The following TATDN3 variants were observed in gnomAD, a reference collection of about 807,000 sequenced individuals.
TATDN3 encodes the protein deoxyribonuclease TATDN3.
In TATDN3, 29 loss-of-function variants were observed where a neutral mutation model predicts 40.1. That is an observed-to-expected ratio of 0.72 (90% CI 0.54 to 0.99). The LOEUF is 0.99. Among genes scored for constraint, TATDN3 ranks in the 50% least tolerant of loss-of-function variants. TATDN3 has a pLI of 0.00. For synonymous variants in TATDN3, 105 were observed against 117.0 expected (o/e 0.90, Z 0.66); for missense variants, 309 against 321.9 (o/e 0.96, Z 0.31).
chr1:212,815,123 GT>G lies in TATDN3; in HGVS notation c.795del (p.Pro266LeufsTer27). 2 of 1,613,422 alleles carry G rather than the reference GT, an allele frequency of 1.2e-6. No individual in the cohort carries two copies. The highest frequency in any genetic ancestry group is 1.7e-6 in the Non-Finnish European group (2 of 1,179,858). On this transcript the variant is annotated frameshift_variant, in exon 10 of 10. Coordinates refer to ENST00000366974, the MANE Select transcript of TATDN3 (RefSeq NM_001042552.3). LOFTEE classifies it high-confidence loss of function. ...EVTTQNALKL[F>X]PKLRHLLQK ...TGACGACACAGAATGCATTAAAACTGTTTCCTAAGCTCCGACACTTGCTCCA... is the reference window on the plus strand; with the variant it reads ...TGACGACACAGAATGCATTAAAACTGTTCCTAAGCTCCGACACTTGCTCCA...
intron 8 of TATDN3, among the ~76,000 whole-genome samples, chr1:212,810,221 G>T (rs1479100390): frequency 1.3e-5 from 2 of 151,318 alleles, no homozygotes. Flanking sequence ...AAAATTAGCC[G>T]AGTGAAGGCA....
chr1:212,803,067 TA>T (rs1488574933), intron 5 of TATDN3, among the ~76,000 whole-genome samples: 2 of 152,158 alleles, frequency 1.3e-5, no homozygotes, highest in Non-Finnish European at 2.9e-5. Flanking sequence ...ATAGTATCTA[TA>T]ATTCTTCATA....
intron 1 of TATDN3, among the ~76,000 whole-genome samples, chr1:212,794,205 CG>C (rs1661566571): frequency 6.6e-6 from 1 of 150,920 alleles, no homozygotes; most frequent in African/African-American, 2.4e-5. Flanking sequence ...GGTGTGAACC[CG>C]GGAGGCGGAG....
At chr1:212,792,512 G>C (rs528777406) in intron 1 of TATDN3, among the ~76,000 whole-genome samples, 7 of 148,524 alleles carry the variant, frequency 4.7e-5, no homozygotes, top group South Asian at 4.2e-4. Flanking sequence ...GCGTTTGCCT[G>C]TGGTCCCAGC....
chr1:212,794,932 A>G (rs1331269455), intron 1 of TATDN3, 163 bp from the exon 2 acceptor site: 4 of 651,720 alleles, frequency 6.1e-6, no homozygotes, highest in African/African-American at 5.5e-5. Context: ...ACTGATAGTA[A>G]GAGTAAACAG....
chr1:212,806,168 A>G (rs983083429), intron 7 of TATDN3, among the ~76,000 whole-genome samples: 3 of 152,150 alleles, frequency 2.0e-5, no homozygotes, highest in African/African-American at 7.2e-5. Context: ...AACTGGGGAT[A>G]GTTTTATGAA....
chr1:212,812,382 C>A, intron 9 of TATDN3, 54 bp downstream of exon 9: 3 of 995,782 alleles, frequency 3.0e-6, no homozygotes, highest in Non-Finnish European at 4.5e-6. Flanking sequence ...CATTTGAGTT[C>A]TTTTCAATTT....
intron 9 of TATDN3, among the ~76,000 whole-genome samples, chr1:212,812,659 G>C (rs1464212069): frequency 1.3e-5 from 2 of 152,142 alleles, no homozygotes; most frequent in Admixed American, 1.3e-4. Flanking sequence ...TAATCTCTCT[G>C]AAACTGCTTT....
At chr1:212,813,571 T>C (rs1022089615) in intron 9 of TATDN3, among the ~76,000 whole-genome samples, 2 of 150,310 alleles carry the variant, frequency 1.3e-5, no homozygotes, top group South Asian at 2.1e-4. Context: ...CTTTTCTTTT[T>C]TTTTTTTTTT....
In TATDN3 at chr1:212,795,057, T is replaced by A. The variant is rs762349534; in HGVS notation, c.67-38T>A. 5 of 1,558,150 alleles carry A rather than the reference T, an allele frequency of 3.2e-6. No individual in the cohort carries two copies. In the African/African-American group the frequency reaches 6.8e-5, roughly 21 times the overall value. Reference sequence around the variant, plus strand: ...ATACAGTCCAAGATTAGCTGCTTATTCATCTAAAATAATGGTGATTTCTTA... The same window carrying A: ...ATACAGTCCAAGATTAGCTGCTTATACATCTAAAATAATGGTGATTTCTTA... On this transcript the variant is annotated intron_variant, in intron 1 of 9. Coordinates refer to ENST00000366974, the MANE Select transcript of TATDN3 (RefSeq NM_001042552.3).
intron 7 of TATDN3, 69 bp downstream of exon 7, chr1:212,804,720 A>ACT: frequency 7.2e-7 from 1 of 1,395,836 alleles, no homozygotes; most frequent in Non-Finnish European, 1.0e-6. Context: ...GTTCTCATAA[A>ACT]GCAAGCCATG....
At chr1:212,803,718 T>C (rs531918433) in intron 5 of TATDN3, among the ~76,000 whole-genome samples, 1 of 151,814 alleles carries the variant, frequency 6.6e-6, no homozygotes, top group African/African-American at 2.4e-5. Flanking sequence ...ACACTGTGTA[T>C]TTCAAAGTTT....
chr1:212,804,493 C>T, intron 6 of TATDN3, 64 bp downstream of exon 6: 2 of 1,540,776 alleles, frequency 1.3e-6, no homozygotes, highest in South Asian at 1.1e-5. Flanking sequence ...CAGAGTTCTC[C>T]TGAAATGGAA....
chr1:212,808,129 A>G (rs767024738), intron 8 of TATDN3, among the ~76,000 whole-genome samples: 5 of 152,076 alleles, frequency 3.3e-5, no homozygotes, highest in South Asian at 2.1e-4. Flanking sequence ...CCTGGCCAAC[A>G]TGGTGAAACC....
chr1:212,805,345 T>G (rs1022053366), intron 7 of TATDN3, among the ~76,000 whole-genome samples: 1 of 152,166 alleles, frequency 6.6e-6, no homozygotes. Flanking sequence ...AACCTCCACC[T>G]CCTGGGTTCA....
chr1:212,793,369 C>T (rs765294953), intron 1 of TATDN3, among the ~76,000 whole-genome samples: 17 of 152,128 alleles, frequency 1.1e-4, no homozygotes, highest in Middle Eastern at 3.4e-3. Context: ...TGTCCCACCA[C>T]GCCTGGCTAA....
chr1:212,792,979 G>C (rs1661456806), intron 1 of TATDN3: 1 of 152,202 alleles, frequency 6.6e-6, no homozygotes, highest in African/African-American at 2.4e-5. Context: ...CCCAAGCAAG[G>C]GGGTGAGTGT....
At chr1:212,811,451 A>T (rs991687499) in intron 8 of TATDN3, among the ~76,000 whole-genome samples, 1 of 151,698 alleles carries the variant, frequency 6.6e-6, no homozygotes, top group Admixed American at 6.6e-5. Context: ...CTCAGTAGAG[A>T]TGGGGTTTTA....
intron 8 of TATDN3, 91 bp from the exon 9 acceptor site, chr1:212,812,157 C>A (rs1662923853): frequency 3.7e-6 from 3 of 803,616 alleles, no homozygotes; most frequent in East Asian, 5.8e-5. Flanking sequence ...TAAGTTATTG[C>A]AGAATAAAAT....
Sources: gnomAD v4.1 joint callset for allele counts (sites outside exome capture counted in the v4.1 genomes callset) on GRCh38, gnomAD v4.1.1 for gene constraint, MANE v1.5 for transcripts, NCBI Gene and HGNC (gene_info 2026-07-23, HGNC 2026-07-21) for gene names.